CADPS2: variants seen among roughly 807,000 people sequenced by gnomAD.
CADPS2 encodes the protein calcium-dependent secretion activator 2.
CADPS2 carries 93 observed loss-of-function variants against 172.5 expected under a neutral mutation model. The ratio of observed to expected loss-of-function variants is 0.54; its 90% CI spans 0.46 to 0.64. The LOEUF (loss-of-function observed/expected upper bound fraction) is 0.64, where lower values mean the gene tolerates loss of function less well. Among genes scored for constraint, CADPS2 ranks in the 30% least tolerant of loss-of-function variants. The probability of loss-of-function intolerance (pLI) is 0.00; values close to 1 mark genes in which losing one functional copy is unlikely to be tolerated. For synonymous variants in CADPS2, 546 were observed against 555.2 expected, an observed-to-expected ratio of 0.98 and a Z score of 0.23; for missense variants, 1,420 against 1,565.9, an observed-to-expected ratio of 0.91 and a Z score of 1.57.
In CADPS2 at chr7:122,702,727, AG is replaced by A. The variant is rs751088939; in HGVS notation, c.453+34227del. ...CAGATGAAACAGAACTATGCGTCGAAGGGGTAATTCTAAGGAAGCTCATGCC... is the reference window on the plus strand; with the variant it reads ...CAGATGAAACAGAACTATGCGTCGAAGGGTAATTCTAAGGAAGCTCATGCC... On this transcript the variant is annotated intron_variant, in intron 2 of 29. Coordinates refer to ENST00000449022, the MANE Select transcript of CADPS2 (RefSeq NM_017954.11). 6.3e-5 allele frequency: 102 copies of A among 1,608,362 alleles called. No individual in the cohort carries two copies. In the African/African-American group the frequency reaches 1.2e-3, roughly 19 times the overall value.
At chr7:122,399,222 G>A (rs1246200499) in intron 20 of CADPS2, among the ~76,000 whole-genome samples, 1 of 152,070 alleles carries the variant, frequency 6.6e-6, no homozygotes, top group Non-Finnish European at 1.5e-5. Flanking sequence ...TCATAGAATG[G>A]CACACATAAT....
intron 1 of CADPS2, among the ~76,000 whole-genome samples, chr7:122,800,801 A>T (rs1797448562): frequency 6.6e-6 from 1 of 151,908 alleles, no homozygotes; most frequent in Admixed American, 6.6e-5. Context: ...AACCAGCCTG[A>T]CCAACATGGT....
intron 4 of CADPS2, among the ~76,000 whole-genome samples, chr7:122,628,972 T>C (rs2076324456): frequency 6.6e-6 from 1 of 151,708 alleles, no homozygotes; most frequent in Non-Finnish European, 1.5e-5. Flanking sequence ...TCTGGCAGTT[T>C]GAGAAACTCA....
intron 28 of CADPS2, among the ~76,000 whole-genome samples, chr7:122,333,575 C>T (rs1458338935): frequency 6.6e-6 from 1 of 152,182 alleles, no homozygotes; most frequent in African/African-American, 2.4e-5. Context: ...ACTACATCTC[C>T]CTGTCCAGAT....
At chr7:122,526,872 G>A (rs1376304031) in intron 8 of CADPS2, among the ~76,000 whole-genome samples, 1 of 152,124 alleles carries the variant, frequency 6.6e-6, no homozygotes, top group Non-Finnish European at 1.5e-5. Context: ...GAGGGCAAGG[G>A]CCATATCAGC....
intron 28 of CADPS2, among the ~76,000 whole-genome samples, chr7:122,328,159 ACGCACG>A (rs998057929): frequency 1.8e-5 from 2 of 109,378 alleles, no homozygotes; most frequent in South Asian, 2.7e-4. Context: ...ACACACACAC[ACGCACG>A]CACACACCTT....
Position 122,388,673 on chromosome 7 carries a change from T to C in CADPS2, c.3074A>G (p.Asp1025Gly). 6.2e-7 allele frequency: 1 copy of C among 1,610,908 alleles called. No homozygotes were observed. The highest frequency in any genetic ancestry group is 8.5e-7 in the Non-Finnish European group (1 of 1,178,112). Residue 1025 changes from aspartate to glycine, a missense_variant, in exon 23 of 30, where the codon GAT (aspartate) becomes GGT (glycine). Transcript: ENST00000449022. ...AAATTCCTGTTCTGGCCAGTGCAGA[T>C]CAAAGACAAACATTTGCAGTGCATC... ...KLDALQMFVF[D>G]LHWPEQEFAH...
At chr7:122,701,146 TGAA>T (rs2085992867) in intron 2 of CADPS2, among the ~76,000 whole-genome samples, 1 of 151,952 alleles carries the variant, frequency 6.6e-6, no homozygotes, top group Non-Finnish European at 1.5e-5. Context: ...CCTAGTAACT[TGAA>T]GAAAAAAAAA....
At chr7:122,741,818 C>G (rs1166601000) in intron 1 of CADPS2, among the ~76,000 whole-genome samples, 6 of 152,118 alleles carry the variant, frequency 3.9e-5, no homozygotes. Context: ...AACTCTAGTA[C>G]TATACACTAT....
At chr7:122,455,728 A>G (rs903222164) in intron 14 of CADPS2, among the ~76,000 whole-genome samples, 2 of 152,164 alleles carry the variant, frequency 1.3e-5, no homozygotes, top group Non-Finnish European at 2.9e-5. Flanking sequence ...TATTTTTCAG[A>G]TGGAGTCTCC....
intron 1 of CADPS2, among the ~76,000 whole-genome samples, chr7:122,878,214 C>G (rs557846651): frequency 1.9e-4 from 27 of 145,890 alleles, no homozygotes; most frequent in African/African-American, 6.9e-4. Flanking sequence ...GAGCCGAGAT[C>G]GCGCCACTGC....
chr7:122,538,148 A>T (rs1438403966), intron 8 of CADPS2, among the ~76,000 whole-genome samples: 3 of 30,584 alleles, frequency 9.8e-5, no homozygotes, highest in Non-Finnish European at 1.4e-4. Context: ...AAATTCAGTA[A>T]AAAAAAAAAG....
At chr7:122,473,227 A>G (rs1181406463) in intron 13 of CADPS2, among the ~76,000 whole-genome samples, 2 of 152,182 alleles carry the variant, frequency 1.3e-5, no homozygotes, top group Non-Finnish European at 2.9e-5. Flanking sequence ...CTGTGTTCAA[A>G]TAAGGCAAAT....
At chr7:122,618,601 AG>A (rs2075235332) in intron 5 of CADPS2, among the ~76,000 whole-genome samples, 1 of 152,178 alleles carries the variant, frequency 6.6e-6, no homozygotes, top group Non-Finnish European at 1.5e-5. Flanking sequence ...TATAGTTCTT[AG>A]AAAAGATTCC....
intron 29 of CADPS2, 52 bp from the exon 30 acceptor site, chr7:122,320,390 C>T (rs879216139): frequency 2.1e-6 from 3 of 1,405,312 alleles, no homozygotes; most frequent in Admixed American, 4.3e-5. Flanking sequence ...TATGCGTGTA[C>T]ATAGATATAT....
At position 122,647,741 on chromosome 7, in the gene CADPS2, T is replaced by C. The variant is rs115783573; in HGVS notation, c.786+15496A>G. 2.0e-3 allele frequency among the ~76,000 whole-genome samples: 299 copies of C among 152,324 alleles called. 4 individuals are homozygous for C. The highest frequency in any genetic ancestry group is 6.4e-3 in the African/African-American group (267 of 41,594). The stretch of plus-strand genomic sequence containing the variant: ...CACTTTTGCCACAGCCTTTTCAAAA[T>C]GCTTTAAAAAAAGCTTTATATGAAA... On this transcript the variant is annotated intron_variant, in intron 3 of 29. Coordinates refer to ENST00000449022, the MANE Select transcript of CADPS2 (RefSeq NM_017954.11).
intron 9 of CADPS2, among the ~76,000 whole-genome samples, chr7:122,508,631 T>C (rs2059802124): frequency 6.6e-6 from 1 of 151,592 alleles, no homozygotes; most frequent in Non-Finnish European, 1.5e-5. Context: ...CACCTAGCCT[T>C]AGGTAGATTC....
At chr7:122,609,591 G>A (rs1245061565) in intron 6 of CADPS2, among the ~76,000 whole-genome samples, 1 of 152,034 alleles carries the variant, frequency 6.6e-6, no homozygotes, top group Non-Finnish European at 1.5e-5. Flanking sequence ...TTGCCTCACC[G>A]TTACTCTTTG....
intron 19 of CADPS2, among the ~76,000 whole-genome samples, chr7:122,410,879 C>G (rs1051194431): frequency 6.6e-6 from 1 of 152,188 alleles, no homozygotes; most frequent in African/African-American, 2.4e-5. Context: ...CATCATCTTA[C>G]TTAGTCCCCC....
Sources: allele counts gnomAD v4.1 joint callset (sites outside exome capture counted in the v4.1 genomes callset), GRCh38; gene constraint gnomAD v4.1.1; transcripts MANE v1.5; gene names NCBI Gene and HGNC (gene_info 2026-07-23, HGNC 2026-07-21).